The following IL16 variants were observed in gnomAD, a reference collection of about 807,000 sequenced individuals.
IL16 encodes the protein interleukin 16, also known as pro-interleukin-16.
A neutral mutation model predicts 110.1 loss-of-function variants in IL16; 67 were observed. That is an observed-to-expected ratio of 0.61 (90% confidence interval 0.50 to 0.75). The LOEUF (loss-of-function observed/expected upper bound fraction) is 0.75. Ranked by LOEUF, IL16 falls within the 30% of genes least tolerant of loss-of-function variation. The pLI is 0.00. For missense variants in IL16, 1,545 were observed against 1,655.0 expected (o/e 0.93, Z 1.15); for synonymous variants, 689 against 662.9 (o/e 1.04, Z -0.61).
rs773516652 is a variant in IL16 at position 81,196,950 on chromosome 15, G to A, written c.-304G>A. On this transcript the variant is annotated 5_prime_UTR_variant, in exon 1 of 19. Coordinates refer to ENST00000683961, the MANE Select transcript of IL16 (RefSeq NM_172217.5). ...TCCTACTCACGGCATCTCAACTATC[G>A]GAGCCTGGGATCTGACTCAAAGGCC... is the stretch of plus-strand genomic sequence containing the variant. 501 of 1,262,716 alleles carry A rather than the reference G, an allele frequency of 4.0e-4. No homozygotes were observed. The highest frequency in any genetic ancestry group is 4.8e-4 in the Non-Finnish European group (469 of 979,336). The allele number at this position is 1,262,716 out of a possible 1,614,324, so 78.2% of individuals were successfully genotyped here. A position where few individuals can be genotyped will look rare whatever the true frequency, so the allele number is the denominator to read the frequency against.
At position 81,311,640 on chromosome 15, in the gene IL16, T is replaced by C. The variant is rs1026808169; in HGVS notation, c.*2842T>C. 1.3e-5 allele frequency: 2 copies of C among 152,120 alleles called. No individual in the cohort carries two copies. Among genetic ancestry groups the C allele is most frequent in the Non-Finnish European group, 2.9e-5 (2 of 68,050 alleles). 9.4% of individuals were successfully genotyped at this position (152,120 alleles called of 1,614,324 possible). On this transcript the variant is annotated 3_prime_UTR_variant, in exon 19 of 19. Coordinates refer to ENST00000683961, the MANE Select transcript of IL16 (RefSeq NM_172217.5). ...TCTTGATAAGACCACCACCTCAGAG[T>C]ATGGAGCTCAGAGAGGGCAGGCATG...
At chr15:81,224,667 C>T (rs1896729059) in intron 1 of IL16, among the ~76,000 whole-genome samples, 1 of 152,222 alleles carries the variant, frequency 6.6e-6, no homozygotes, top group African/African-American at 2.4e-5. Flanking sequence ...CTCACATCAA[C>T]TCTGGCAGGT....
intron 2 of IL16, among the ~76,000 whole-genome samples, chr15:81,230,107 G>T (rs1365836917): frequency 6.6e-6 from 1 of 152,202 alleles, no homozygotes; most frequent in African/African-American, 2.4e-5. Flanking sequence ...TGTTGTGCAT[G>T]AAAGTACTGA....
chr15:81,203,957 T>C (rs1301015269), intron 1 of IL16, among the ~76,000 whole-genome samples: 6 of 151,862 alleles, frequency 4.0e-5, no homozygotes, highest in Non-Finnish European at 7.4e-5. Flanking sequence ...CCCATGAGCG[T>C]GGAATGTTCT....
chr15:81,302,611 A>C (rs1005739648), intron 15 of IL16, among the ~76,000 whole-genome samples: 1 of 152,210 alleles, frequency 6.6e-6, no homozygotes, highest in Admixed American at 6.5e-5. Context: ...CAGGTGCTCT[A>C]GTGACGCTGA....
chr15:81,303,729 GC>G lies in IL16; in HGVS notation c.3420+82del. The G allele has an allele frequency of 1.1e-6, 1 of 942,428 alleles. No homozygotes were observed. Among genetic ancestry groups the G allele is most frequent in the East Asian group, 2.4e-5 (1 of 41,516 alleles). The allele number at this position is 942,428 out of a possible 1,614,324, so 58.4% of individuals were successfully genotyped here. A position where few individuals can be genotyped will look rare whatever the true frequency, so the allele number is the denominator to read the frequency against. On this transcript the variant is annotated intron_variant, in intron 16 of 18. Coordinates refer to ENST00000683961, the MANE Select transcript of IL16 (RefSeq NM_172217.5). The surrounding 1 kb of genome is among the most constrained non-coding windows in gnomAD (Gnocchi z 4.1). ...AGGGGGACACACTTGCCAGGAAGGG[GC>G]CCTGTGCTGGGGAAATGAAGAATGC...
Position 81,303,642 on chromosome 15 carries a change from G to T in IL16, c.3412G>T (p.Val1138Leu). The T allele has an allele frequency of 6.2e-7, 1 of 1,607,820 alleles. No homozygotes were observed. The highest frequency in any genetic ancestry group is 8.5e-7 in the Non-Finnish European group (1 of 1,174,230). ...LAGGADLENK[V>L]ITVHRVFPNG... ...AGGAGGAGCAGATCTAGAAAACAAGGTGATTACGGTGAGTGGCCAAGTGAA... is the reference window on the plus strand; with the variant it reads ...AGGAGGAGCAGATCTAGAAAACAAGTTGATTACGGTGAGTGGCCAAGTGAA... The change falls in exon 16 of 19, where the codon GTG (valine) becomes TTG (leucine). Residue 1138 changes from valine (V) to leucine (L), a missense_variant. Around this residue, in one of 3 missense-constraint regions of IL16, gnomAD observed 356 missense variants for 399.3 expected, o/e 0.89. Transcript: ENST00000683961. This position sits in a 1 kb window ranked among gnomAD's most constrained non-coding sequence, Gnocchi z 4.1.
chr15:81,202,648 A>G (rs1466045265), intron 1 of IL16, among the ~76,000 whole-genome samples: 1 of 152,224 alleles, frequency 6.6e-6, no homozygotes, highest in Non-Finnish European at 1.5e-5. Context: ...TACAAAGGAC[A>G]TGAACTCATC....
intron 1 of IL16, among the ~76,000 whole-genome samples, chr15:81,200,684 TAA>T (rs1445908671): frequency 1.3e-5 from 2 of 152,158 alleles, no homozygotes; most frequent in African/African-American, 4.8e-5. Context: ...GTCAAGATTT[TAA>T]AAGTTTCATA....
chr15:81,201,966 A>G (rs1041356652), intron 1 of IL16, among the ~76,000 whole-genome samples: 4 of 152,218 alleles, frequency 2.6e-5, no homozygotes, highest in African/African-American at 4.8e-5. Flanking sequence ...AGCATAGGCA[A>G]TTCATCAGAT....
intron 2 of IL16, among the ~76,000 whole-genome samples, chr15:81,226,494 A>G (rs1418764935): frequency 6.6e-6 from 1 of 152,238 alleles, no homozygotes; most frequent in Non-Finnish European, 1.5e-5. Context: ...TGATAAGCCA[A>G]CATACAGACA....
In IL16 at chr15:81,259,755, C is replaced by T. The variant is rs201420178; in HGVS notation, c.313-17C>T. The stretch of plus-strand genomic sequence containing the variant: ...TATTCTAACTTGCTGAATAAAAAGA[C>T]GGCAATTGTTTTGCAGGAATCTTCC... On this transcript the variant is annotated splice_polypyrimidine_tract_variant and intron_variant, in intron 2 of 18. Coordinates refer to ENST00000683961, the MANE Select transcript of IL16 (RefSeq NM_172217.5). 1.5e-5 allele frequency: 24 copies of T among 1,567,676 alleles called. No homozygotes were observed. The African/African-American group carries it at 2.0e-4, about 13-fold the overall frequency.
At chr15:81,223,346 G>T (rs1478947651) in intron 1 of IL16, among the ~76,000 whole-genome samples, 2 of 152,194 alleles carry the variant, frequency 1.3e-5, no homozygotes, top group African/African-American at 4.8e-5. Context: ...GGAGGACATG[G>T]AGTTAACATA....
At chr15:81,225,247 C>A (rs1359557212) in intron 1 of IL16, 52 bp from the exon 2 acceptor site, 6 of 1,414,572 alleles carry the variant, frequency 4.2e-6, no homozygotes, top group Non-Finnish European at 5.6e-6. Context: ...TGTGCAGCTC[C>A]ACTTGTCAGC....
chr15:81,248,811 C>G (rs574266192), intron 2 of IL16, among the ~76,000 whole-genome samples: 2 of 151,134 alleles, frequency 1.3e-5, no homozygotes, highest in African/African-American at 4.9e-5. Flanking sequence ...AACTCCACCC[C>G]CTGGGTTCAA....
chr15:81,225,752 G>T (rs1896769445), intron 2 of IL16, 41 bp downstream of exon 2: 3 of 1,471,672 alleles, frequency 2.0e-6, no homozygotes, highest in Non-Finnish European at 2.8e-6. Flanking sequence ...CCTGCAGTTG[G>T]TTTCTGGTGC....
Position 81,299,820 on chromosome 15 carries a change from GCCT to G in IL16, c.2512_2514del (p.Ser838del), listed in dbSNP as rs562825970. The G allele has an allele frequency of 7.8e-4, 1,256 of 1,606,358 alleles. 1 individual carries two copies. The highest frequency in any genetic ancestry group is 1.6e-3 in the South Asian group (144 of 90,384). The stretch of plus-strand genomic sequence containing the variant: ...GGAGCACCTAGGATCACACATCCGG[GCCT>G]CCTCCTCCTCCTCCTCCATCAGGCA... On this transcript the variant is annotated inframe_deletion, in exon 14 of 19. Coordinates refer to ENST00000683961, the MANE Select transcript of IL16 (RefSeq NM_172217.5).
At chr15:81,287,321 G>A (rs1373560733) in intron 10 of IL16, among the ~76,000 whole-genome samples, 2 of 152,222 alleles carry the variant, frequency 1.3e-5, no homozygotes, top group Non-Finnish European at 2.9e-5. Flanking sequence ...GTGGGACATA[G>A]TGAGGTGGAG....
chr15:81,212,056 A>G (rs1296080319), intron 1 of IL16, among the ~76,000 whole-genome samples: 1 of 151,812 alleles, frequency 6.6e-6, no homozygotes, highest in Non-Finnish European at 1.5e-5. Context: ...ATTTTTTGGA[A>G]TAGTTTCGGT....
Sources: allele counts gnomAD v4.1 joint callset (sites outside exome capture counted in the v4.1 genomes callset), GRCh38; gene constraint gnomAD v4.1.1; regional missense constraint gnomAD v4.1.1; non-coding constraint Gnocchi (gnomAD v3.1); transcripts MANE v1.5; gene names NCBI Gene and HGNC (gene_info 2026-07-23, HGNC 2026-07-21).